NTHL1: variants seen among roughly 807,000 people sequenced by gnomAD.
NTHL1 encodes endonuclease III-like protein 1.
In NTHL1, 32 loss-of-function variants were observed where a neutral mutation model predicts 32.3. The observed-to-expected ratio is 0.99, with a 90% CI of 0.75 to 1.33. The LOEUF (loss-of-function observed/expected upper bound fraction) is 1.33. Ranked by LOEUF, NTHL1 falls within the 40% of genes most tolerant of loss-of-function variation. NTHL1 has a pLI of 0.00. For missense variants in NTHL1, 501 were observed against 414.1 expected, an observed-to-expected ratio of 1.21 and a Z score of -1.82; for synonymous variants, 188 against 176.9, an observed-to-expected ratio of 1.06 and a Z score of -0.50.
chr16:2,040,135 A>G lies in NTHL1; in HGVS notation c.789T>C (p.Pro263=), dbSNP rs964969130. Residue 263 remains proline (P), a splice_region_variant and synonymous_variant, in exon 5 of 6, where the codon CCT becomes CCC. Transcript: ENST00000651570. ...GGAAGCCCCCCACATACTCATACCTAGGCAGCCACTCCTCCAGGGCGGCGC... is the reference window on the plus strand; with the variant it reads ...GGAAGCCCCCCACATACTCATACCTGGGCAGCCACTCCTCCAGGGCGGCGC... The part of the protein sequence containing the change: ...ETRAALEEWL[P]RELWHEINGL... 1.2e-6 allele frequency: 2 copies of G among 1,613,532 alleles called. No individual in the cohort carries two copies. Among genetic ancestry groups the G allele is most frequent in the Non-Finnish European group, 1.7e-6 (2 of 1,179,964 alleles).
At position 2,044,058 on chromosome 16, in the gene NTHL1, T is replaced by A; in HGVS notation, c.526-332A>T. The A allele has an allele frequency of 4.9e-6, 2 of 406,600 alleles. No homozygotes were observed. Among genetic ancestry groups the A allele is most frequent in the South Asian group, 5.0e-5 (2 of 40,178 alleles). The allele number at this position is 406,600 out of a possible 1,614,324, so 25.2% of individuals were successfully genotyped here. ...GTGGGGCTTGGCTGCACCTGCGCCT[T>A]CAGGAAGGAGGGCTGGAGCTGGGGC... On this transcript the variant is annotated intron_variant, in intron 3 of 5. Coordinates refer to ENST00000651570, the MANE Select transcript of NTHL1 (RefSeq NM_002528.7). This position sits in a 1 kb window ranked among gnomAD's most constrained non-coding sequence, Gnocchi z 5.0.
At position 2,040,135 on chromosome 16, in the gene NTHL1, A is replaced by C. The variant is rs964969130; in HGVS notation, c.789T>G (p.Pro263=). 1 of 1,613,532 alleles carries C rather than the reference A, an allele frequency of 6.2e-7. No individual in the cohort carries two copies. The highest frequency in any genetic ancestry group is 1.7e-5 in the Admixed American group (1 of 60,012). The change falls in exon 5 of 6, where the codon CCT becomes CCG. Residue 263 remains proline, a splice_region_variant and synonymous_variant. Coordinates refer to ENST00000651570, the MANE Select transcript of NTHL1 (RefSeq NM_002528.7). ...ETRAALEEWL[P]RELWHEINGL... ...GGAAGCCCCCCACATACTCATACCT[A>C]GGCAGCCACTCCTCCAGGGCGGCGC...
intron 4 of NTHL1, among the ~76,000 whole-genome samples, chr16:2,042,810 A>G (rs1596218568): frequency 3.7e-5 from 1 of 27,016 alleles, no homozygotes; most frequent in Non-Finnish European, 7.0e-5. Context: ...CTCCCTCTCA[A>G]CCCTCCCCTC....
chr16:2,043,751 C>T lies in NTHL1; in HGVS notation c.526-25G>A, dbSNP rs563300477. 6.2e-7 allele frequency: 1 copy of T among 1,609,718 alleles called. No individual in the cohort carries two copies. Among genetic ancestry groups the T allele is most frequent in the African/African-American group, 1.3e-5 (1 of 75,056 alleles). On this transcript the variant is annotated intron_variant, in intron 3 of 5. Coordinates refer to ENST00000651570, the MANE Select transcript of NTHL1 (RefSeq NM_002528.7). This position sits in a 1 kb window ranked among gnomAD's most constrained non-coding sequence, Gnocchi z 4.4. ...TCTGAAAGACAGGGGTGGGTTCAGC[C>T]TTGGAGGCAAGGGCACAGCCCAACC...
rs1351830163 is a variant in NTHL1, at chr16:2,040,164, T to A, written c.760A>T (p.Thr254Ser). ...AGCCACTCCTCCAGGGCGGCGCGGG[T>A]CTCCTCTGGGGACTTGGTTGCCTTC... The part of the protein sequence containing the change: ...TKKATKSPEE[T>S]RAALEEWLPR... The change falls in exon 5 of 6, where the codon ACC (threonine) becomes TCC (serine). Residue 254 changes from threonine to serine, a missense_variant. Physicochemically the swap from Thr to Ser is moderately conservative, Grantham distance 58. Coordinates refer to ENST00000651570, the MANE Select transcript of NTHL1 (RefSeq NM_002528.7). 1 of 1,613,856 alleles carries A rather than the reference T, an allele frequency of 6.2e-7. No homozygotes were observed. The highest frequency in any genetic ancestry group is 8.5e-7 in the Non-Finnish European group (1 of 1,180,014).
At position 2,043,488 on chromosome 16, in the gene NTHL1, G is replaced by A. The variant is rs1481038543; in HGVS notation, c.685+79C>T. The A allele has an allele frequency of 3.2e-6, 5 of 1,572,992 alleles. No individual in the cohort carries two copies. The Admixed American group carries it at 6.7e-5, about 21-fold the overall frequency. On this transcript the variant is annotated intron_variant, in intron 4 of 5. Coordinates refer to ENST00000651570, the MANE Select transcript of NTHL1 (RefSeq NM_002528.7). This position sits in a 1 kb window ranked among gnomAD's most constrained non-coding sequence, Gnocchi z 4.4. ...GGTGGAGGACCAGCATGCTGGAAGTGGAGTCACAGGTCACAAGGATGTGGG... is the reference window on the plus strand; with the variant it reads ...GGTGGAGGACCAGCATGCTGGAAGTAGAGTCACAGGTCACAAGGATGTGGG...
At chr16:2,040,978 C>G (rs1187857222) in intron 4 of NTHL1, among the ~76,000 whole-genome samples, 2 of 152,226 alleles carry the variant, frequency 1.3e-5, no homozygotes, top group Non-Finnish European at 1.5e-5. Flanking sequence ...CCGGCCGCAG[C>G]TGCTGTCCAC....
chr16:2,045,118 C>A (rs1246148101), intron 2 of NTHL1, among the ~76,000 whole-genome samples: 1 of 152,112 alleles, frequency 6.6e-6, no homozygotes, highest in East Asian at 1.9e-4. Context: ...AGGCGGATCA[C>A]CTGAAGTCAG....
intron 4 of NTHL1, among the ~76,000 whole-genome samples, chr16:2,040,642 C>T (rs1301662827): frequency 6.6e-6 from 1 of 152,164 alleles, no homozygotes; most frequent in South Asian, 2.1e-4. Flanking sequence ...TTGCTGGGGG[C>T]CAGACCCTGC....
Position 2,040,181 on chromosome 16 carries a change from G to A in NTHL1, c.743C>T (p.Thr248Ile), listed in dbSNP as rs577781337. The change falls in exon 5 of 6, where the codon ACC (threonine) becomes ATC (isoleucine). Residue 248 changes from threonine to isoleucine, a missense_variant. Thr to Ile is a moderately conservative substitution (Grantham distance 89). Coordinates refer to ENST00000651570, the MANE Select transcript of NTHL1 (RefSeq NM_002528.7). ...GGCGCGGGTCTCCTCTGGGGACTTG[G>A]TTGCCTTCTTGGTCCACCTCAGCCT... is the stretch of plus-strand genomic sequence containing the variant. ...ANRLRWTKKATKSPEETRAAL... is the reference protein window; with the variant it reads ...ANRLRWTKKAIKSPEETRAAL... 182 of 1,614,000 alleles carry A rather than the reference G, an allele frequency of 1.1e-4. 1 individual carries two copies. The South Asian group carries it at 2.0e-3, about 17-fold the overall frequency.
In NTHL1 at chr16:2,044,860, G is replaced by T. The variant is rs1032004313; in HGVS notation, c.355-60C>A. The T allele has an allele frequency of 1.3e-6, 2 of 1,508,560 alleles. No individual in the cohort carries two copies. Among genetic ancestry groups the T allele is most frequent in the Middle Eastern group, 1.8e-4 (1 of 5,574 alleles). 93.4% of individuals were successfully genotyped at this position (1,508,560 alleles called of 1,614,324 possible). ...GGGTCCTGGGTGATTCCCTGGCCAG[G>T]CTCCGCCCCCCGCCCTCGACACACC... On this transcript the variant is annotated intron_variant, in intron 2 of 5. Coordinates refer to ENST00000651570, the MANE Select transcript of NTHL1 (RefSeq NM_002528.7). This position sits in a 1 kb window ranked among gnomAD's most constrained non-coding sequence, Gnocchi z 5.0.
At position 2,040,519 on chromosome 16, in the gene NTHL1, T is replaced by A. The variant is rs2084251558; in HGVS notation, c.686-281A>T. On this transcript the variant is annotated intron_variant, in intron 4 of 5. Coordinates refer to ENST00000651570, the MANE Select transcript of NTHL1 (RefSeq NM_002528.7). Reference sequence around the variant, plus strand: ...GCCCACTCCCAACACTGGTGCTAGTTGGATGTGTGGGTGGTGGGGTCTCTG... The same window carrying A: ...GCCCACTCCCAACACTGGTGCTAGTAGGATGTGTGGGTGGTGGGGTCTCTG... The A allele has an allele frequency of 5.6e-6, 3 of 532,696 alleles. No homozygotes were observed. In the East Asian group the frequency reaches 9.9e-5, roughly 18 times the overall value. The allele number at this position is 532,696 out of a possible 1,614,324, so 33.0% of individuals were successfully genotyped here.
rs916041649 is a variant in NTHL1 at position 2,044,053 on chromosome 16, C to T, written c.526-327G>A. ...CAGGAGTGGGGCTTGGCTGCACCTG[C>T]GCCTTCAGGAAGGAGGGCTGGAGCT... On this transcript the variant is annotated intron_variant, in intron 3 of 5. Coordinates refer to ENST00000651570, the MANE Select transcript of NTHL1 (RefSeq NM_002528.7). The surrounding 1 kb of genome is among the most constrained non-coding windows in gnomAD (Gnocchi z 5.0). The T allele has an allele frequency of 5.7e-5, 24 of 417,772 alleles. No individual in the cohort carries two copies. The highest frequency in any genetic ancestry group is 3.4e-4 in the African/African-American group (17 of 49,662). 25.9% of individuals were successfully genotyped at this position (417,772 alleles called of 1,614,324 possible).
Position 2,043,486 on chromosome 16 carries a change from G to T in NTHL1, c.685+81C>A. The T allele has an allele frequency of 1.9e-6, 3 of 1,572,114 alleles. No homozygotes were observed. The highest frequency in any genetic ancestry group is 2.6e-6 in the Non-Finnish European group (3 of 1,159,124). On this transcript the variant is annotated intron_variant, in intron 4 of 5. Coordinates refer to ENST00000651570, the MANE Select transcript of NTHL1 (RefSeq NM_002528.7). The surrounding 1 kb of genome is among the most constrained non-coding windows in gnomAD (Gnocchi z 4.4). ...TGGGTGGAGGACCAGCATGCTGGAA[G>T]TGGAGTCACAGGTCACAAGGATGTG...
At chr16:2,045,019 C>T (rs2084324758) in intron 2 of NTHL1, among the ~76,000 whole-genome samples, 1 of 152,200 alleles carries the variant, frequency 6.6e-6, no homozygotes, top group African/African-American at 2.4e-5. Context: ...TAATGTGAAG[C>T]TTAAATGAAT....
chr16:2,041,176 G>T (rs1345929984), intron 4 of NTHL1, among the ~76,000 whole-genome samples: 1 of 152,262 alleles, frequency 6.6e-6, no homozygotes, highest in Non-Finnish European at 1.5e-5. Flanking sequence ...GTGTCCGAGG[G>T]TGTGGGGAGA....
rs2150941048 is a variant in NTHL1 at position 2,043,493 on chromosome 16, C to G, written c.685+74G>C. 13 of 1,583,396 alleles carry G rather than the reference C, an allele frequency of 8.2e-6. No individual in the cohort carries two copies. Among genetic ancestry groups the G allele is most frequent in the Non-Finnish European group, 1.1e-5 (13 of 1,168,832 alleles). On this transcript the variant is annotated intron_variant, in intron 4 of 5. Coordinates refer to ENST00000651570, the MANE Select transcript of NTHL1 (RefSeq NM_002528.7). This position sits in a 1 kb window ranked among gnomAD's most constrained non-coding sequence, Gnocchi z 4.4. ...AGGACCAGCATGCTGGAAGTGGAGTCACAGGTCACAAGGATGTGGGGAATC... is the reference window on the plus strand; with the variant it reads ...AGGACCAGCATGCTGGAAGTGGAGTGACAGGTCACAAGGATGTGGGGAATC...
chr16:2,041,419 G>A (rs890195667), intron 4 of NTHL1, among the ~76,000 whole-genome samples: 4 of 152,150 alleles, frequency 2.6e-5, no homozygotes, highest in African/African-American at 9.7e-5. Flanking sequence ...GCTGGGACCG[G>A]AGCCAGCAAT....
intron 1 of NTHL1, 117 bp from the exon 2 acceptor site, chr16:2,046,483 A>G: frequency 1.1e-6 from 1 of 944,282 alleles, no homozygotes; most frequent in Non-Finnish European, 1.6e-6. Context: ...TCCATCATCT[A>G]ATACACTTGG....
Sources: allele counts gnomAD v4.1 joint callset (sites outside exome capture counted in the v4.1 genomes callset), GRCh38; gene constraint gnomAD v4.1.1; non-coding constraint Gnocchi (gnomAD v3.1); transcripts MANE v1.5; gene names NCBI Gene and HGNC (gene_info 2026-07-23, HGNC 2026-07-21).